The following TVP23A variants were observed in gnomAD, a reference collection of about 807,000 sequenced individuals.
The protein encoded by TVP23A is Golgi apparatus membrane protein TVP23 homolog A.
TVP23A carries 21 observed loss-of-function variants against 31.7 expected under a neutral mutation model. The ratio of observed to expected loss-of-function variants is 0.66; its 90% CI spans 0.47 to 0.95. The LOEUF (loss-of-function observed/expected upper bound fraction) is 0.95. Ranked by LOEUF, TVP23A falls within the 40% of genes least tolerant of loss-of-function variation. The probability of loss-of-function intolerance (pLI) is 0.00; values close to 1 mark genes in which losing one functional copy is unlikely to be tolerated. For synonymous variants in TVP23A, 104 were observed against 96.0 expected (o/e 1.08, Z -0.49); for missense variants, 279 against 255.6 (o/e 1.09, Z -0.62).
At chr16:10,817,021 C>T (rs945732104) in intron 2 of TVP23A, among the ~76,000 whole-genome samples, 11 of 151,522 alleles carry the variant, frequency 7.3e-5, no homozygotes, top group African/African-American at 2.4e-4. Flanking sequence ...GCCTTGAAGA[C>T]GGAGGAACAG....
chr16:10,792,764 G>C (rs905951013), intron 2 of TVP23A, among the ~76,000 whole-genome samples: 3 of 152,202 alleles, frequency 2.0e-5, no homozygotes, highest in Non-Finnish European at 2.9e-5. Context: ...CTTCTGAAAC[G>C]GGCTTCTTAA....
downstream of TVP23A, among the ~76,000 whole-genome samples, chr16:10,759,595 A>G (rs1000556543): frequency 5.3e-5 from 8 of 152,156 alleles, no homozygotes; most frequent in Non-Finnish European, 1.2e-4. This position sits in a 1 kb window ranked among gnomAD's most constrained non-coding sequence, Gnocchi z 4.7. Flanking sequence ...CCAATATGGC[A>G]AAACCCTGTC....
chr16:10,771,648 G>A lies in TVP23A; in HGVS notation c.582+22C>T, dbSNP rs1180398122. 14 of 1,613,584 alleles carry A rather than the reference G, an allele frequency of 8.7e-6. 1 individual carries two copies. In the South Asian group the frequency reaches 1.4e-4, roughly 16 times the overall value. On this transcript the variant is annotated intron_variant, in intron 6 of 7. Transcript: ENST00000299866. ...GACTACCTGGAGAGGAGTGGTCCAA[G>A]AGTCAGACCTCAGTTACTCACCGTC...
intron 2 of TVP23A, among the ~76,000 whole-genome samples, chr16:10,786,621 G>A (rs922918889): frequency 6.6e-6 from 1 of 152,022 alleles, no homozygotes; most frequent in South Asian, 2.1e-4. Flanking sequence ...GGTTTGCTTT[G>A]CTCTGTGATG....
chr16:10,794,769 G>C (rs531295459), intron 2 of TVP23A, among the ~76,000 whole-genome samples: 1 of 152,126 alleles, frequency 6.6e-6, no homozygotes, highest in Non-Finnish European at 1.5e-5. Flanking sequence ...GTCTGTCTGA[G>C]AGGGGGCCAC....
rs560277095 is a variant in TVP23A at position 10,783,428 on chromosome 16, C to G, written c.90-8332G>C. 2.9e-3 allele frequency among the ~76,000 whole-genome samples: 448 copies of G among 152,290 alleles called. 1 individual carries two copies. The highest frequency in any genetic ancestry group is 0.01 in the African/African-American group (427 of 41,552). On this transcript the variant is annotated intron_variant, in intron 2 of 7. Transcript: ENST00000299866. The stretch of plus-strand genomic sequence containing the variant: ...TGGTGGCTCATACCTGTAATCGCAG[C>G]ATTTTGGGAGGCTGAGGTGGGCAGA...
At chr16:10,770,372 C>A in intron 6 of TVP23A, 41 bp from the exon 7 acceptor site, 2 of 1,544,686 alleles carry the variant, frequency 1.3e-6, no homozygotes, top group African/African-American at 1.4e-5. Context: ...TGTCCTTACA[C>A]GCGAGTGGGG....
intron 2 of TVP23A, among the ~76,000 whole-genome samples, chr16:10,793,417 G>A (rs753045050): frequency 9.2e-5 from 14 of 152,134 alleles, no homozygotes; most frequent in Non-Finnish European, 1.3e-4. Flanking sequence ...CCTGTGTGTG[G>A]CTTCTAACCC....
intron 2 of TVP23A, among the ~76,000 whole-genome samples, chr16:10,801,606 G>A (rs2033697513): frequency 6.6e-6 from 1 of 152,058 alleles, no homozygotes; most frequent in Non-Finnish European, 1.5e-5. Context: ...AGAAGCACAT[G>A]CTACCATGCC....
downstream of TVP23A, among the ~76,000 whole-genome samples, chr16:10,762,566 C>T (rs897224614): frequency 5.9e-5 from 9 of 152,244 alleles, no homozygotes; most frequent in Admixed American, 4.6e-4. Flanking sequence ...GGCGGGCCTC[C>T]GTTACTGGGG....
At chr16:10,809,894 A>T (rs751613844) in intron 2 of TVP23A, among the ~76,000 whole-genome samples, 1 of 152,226 alleles carries the variant, frequency 6.6e-6, no homozygotes, top group Non-Finnish European at 1.5e-5. Context: ...TGTGCCCAAA[A>T]GAACCAAAAA....
rs1222905287 is a variant in TVP23A, at chr16:10,818,672, G to A, written c.-179C>T. 2 of 687,622 alleles carry A rather than the reference G, an allele frequency of 2.9e-6. No homozygotes were observed. Among genetic ancestry groups the A allele is most frequent in the Non-Finnish European group, 4.4e-6 (2 of 451,398 alleles). 42.6% of individuals were successfully genotyped at this position (687,622 alleles called of 1,614,324 possible). ...CTTCTCGGGTGGGGCGGGGCGCTCG[G>A]GGCCTAAGGCGCAGTCGCAGGCTGG... On this transcript the variant is annotated 5_prime_UTR_variant, in exon 1 of 8. Transcript: ENST00000299866. The surrounding 1 kb of genome is among the most constrained non-coding windows in gnomAD (Gnocchi z 4.7).
At chr16:10,800,008 CTTTTTTTTTTT>C (rs76396691) in intron 2 of TVP23A, among the ~76,000 whole-genome samples, 3 of 57,422 alleles carry the variant, frequency 5.2e-5, no homozygotes, top group East Asian at 5.3e-4. Flanking sequence ...GAGTGGGGTT[CTTTTTTTTTTT>C]TTTTTTTTTT....
intron 2 of TVP23A, among the ~76,000 whole-genome samples, chr16:10,783,915 T>C (rs1276774069): frequency 6.6e-6 from 1 of 152,124 alleles, no homozygotes; most frequent in Admixed American, 6.5e-5. Context: ...AGATCAGTGG[T>C]TGCCAGGAGT....
At chr16:10,817,954 A>G in intron 2 of TVP23A, 149 bp downstream of exon 2, 1 of 684,372 alleles carries the variant, frequency 1.5e-6, no homozygotes, top group Admixed American at 2.3e-5. Flanking sequence ...CCAGGAGGGC[A>G]GGGACTTTGT....
intron 2 of TVP23A, among the ~76,000 whole-genome samples, chr16:10,812,120 A>T (rs779645920): frequency 4.6e-5 from 7 of 152,176 alleles, no homozygotes; most frequent in Non-Finnish European, 8.8e-5. Context: ...TCCAAAGGTG[A>T]TATACAAGTG....
chr16:10,798,609 G>A (rs1193109737), intron 2 of TVP23A, among the ~76,000 whole-genome samples: 1 of 151,514 alleles, frequency 6.6e-6, no homozygotes, highest in East Asian at 1.9e-4. Context: ...AGAAGTGATT[G>A]TATGTCACTT....
chr16:10,772,278 G>A (rs1034265211), intron 5 of TVP23A, among the ~76,000 whole-genome samples: 1 of 152,206 alleles, frequency 6.6e-6, no homozygotes. Flanking sequence ...TCACAGAGCT[G>A]GAGCGTGGTC....
At chr16:10,785,801 G>C (rs1468666551) in intron 2 of TVP23A, among the ~76,000 whole-genome samples, 1 of 152,186 alleles carries the variant, frequency 6.6e-6, no homozygotes, top group Non-Finnish European at 1.5e-5. Flanking sequence ...GTGGAGACCA[G>C]AACTCTGAGC....
Sources: gnomAD v4.1 joint callset for allele counts (sites outside exome capture counted in the v4.1 genomes callset) on GRCh38, gnomAD v4.1.1 for gene constraint, Gnocchi (gnomAD v3.1) non-coding constraint, MANE v1.5 for transcripts, NCBI Gene and HGNC (gene_info 2026-07-23, HGNC 2026-07-21) for gene names.